Variants in PATJ observed in about 807,000 individuals in gnomAD.
The protein encoded by PATJ is PATJ crumbs cell polarity complex component.
A neutral mutation model predicts 224.9 loss-of-function variants in PATJ; 190 were observed. The ratio of observed to expected loss-of-function variants is 0.84; its 90% CI spans 0.75 to 0.95. PATJ has a LOEUF of 0.95. Among genes scored for constraint, PATJ ranks in the 40% least tolerant of loss-of-function variants. PATJ has a pLI of 0.00. For synonymous variants in PATJ, 769 were observed against 820.3 expected (o/e 0.94, Z 1.07); for missense variants, 2,121 against 2,270.3 (o/e 0.93, Z 1.34).
chr1:61,886,178 TA>T (rs995660014), intron 22 of PATJ, among the ~76,000 whole-genome samples: 45 of 141,276 alleles, frequency 3.2e-4, no homozygotes, highest in Middle Eastern at 3.5e-3. Flanking sequence ...AAAGTATAAT[TA>T]AAAAAAAAAA....
chr1:61,970,857 T>C (rs985538866), intron 27 of PATJ, among the ~76,000 whole-genome samples: 2 of 150,398 alleles, frequency 1.3e-5, no homozygotes, highest in African/African-American at 2.5e-5. Context: ...CATCAAAGTA[T>C]TCAATGTCCA....
intron 7 of PATJ, among the ~76,000 whole-genome samples, chr1:61,776,489 AT>A (rs1181772809): frequency 1.3e-5 from 2 of 152,182 alleles, no homozygotes; most frequent in East Asian, 1.9e-4. Flanking sequence ...TTTTACTTGA[AT>A]TTTTTTAAGA....
At chr1:61,880,835 T>C (rs1667988228) in intron 21 of PATJ, among the ~76,000 whole-genome samples, 1 of 152,264 alleles carries the variant, frequency 6.6e-6, no homozygotes, top group Non-Finnish European at 1.5e-5. Flanking sequence ...GGCTCATGCC[T>C]GTAATCCCAA....
intron 29 of PATJ, among the ~76,000 whole-genome samples, chr1:62,036,615 T>G (rs1043671730): frequency 6.6e-6 from 1 of 152,082 alleles, no homozygotes; most frequent in Non-Finnish European, 1.5e-5. Flanking sequence ...ATATATACAA[T>G]AGTCTTTGAA....
intron 28 of PATJ, among the ~76,000 whole-genome samples, chr1:62,005,831 A>G (rs1301933087): frequency 2.0e-5 from 3 of 152,190 alleles, no homozygotes; most frequent in African/African-American, 7.2e-5. Context: ...AAATTACATG[A>G]ATTTCAACTC....
chr1:62,121,894 C>T (rs1212123008), intron 38 of PATJ, among the ~76,000 whole-genome samples: 1 of 151,778 alleles, frequency 6.6e-6, no homozygotes, highest in Non-Finnish European at 1.5e-5. Context: ...TAATAAATTA[C>T]AGGTCACTGG....
At chr1:62,119,229 G>C in intron 37 of PATJ, among the ~76,000 whole-genome samples, 1 of 152,098 alleles carries the variant, frequency 6.6e-6, no homozygotes, top group East Asian at 1.9e-4. Flanking sequence ...GCCCTATTTG[G>C]CTAATTAGAA....
At chr1:62,118,016 T>G (rs764380483) in intron 37 of PATJ, among the ~76,000 whole-genome samples, 5 of 152,162 alleles carry the variant, frequency 3.3e-5, no homozygotes, top group Non-Finnish European at 7.4e-5. Context: ...GCTCTGATCT[T>G]ACAGTTAGCA....
At chr1:61,961,372 C>G (rs1475061837) in intron 27 of PATJ, among the ~76,000 whole-genome samples, 1 of 152,038 alleles carries the variant, frequency 6.6e-6, no homozygotes, top group Non-Finnish European at 1.5e-5. Context: ...ACCCAAGGCA[C>G]AAAGCCAAGA....
intron 27 of PATJ, among the ~76,000 whole-genome samples, chr1:61,974,180 G>A (rs1557971842): frequency 6.6e-6 from 1 of 151,758 alleles, no homozygotes. Context: ...AGGACATGTC[G>A]AGCAAAACTG....
chr1:61,860,388 T>C (rs1350449082), intron 18 of PATJ, among the ~76,000 whole-genome samples: 1 of 152,036 alleles, frequency 6.6e-6, no homozygotes, highest in African/African-American at 2.4e-5. Flanking sequence ...CTGCATTATA[T>C]CTTCAGAAGT....
At chr1:62,077,549 G>A (rs1405130077) in intron 31 of PATJ, among the ~76,000 whole-genome samples, 1 of 151,830 alleles carries the variant, frequency 6.6e-6, no homozygotes, top group Non-Finnish European at 1.5e-5. Flanking sequence ...AATTAGCCAG[G>A]CGTGGTGGTG....
At chr1:61,884,767 G>C (rs982714933) in intron 22 of PATJ, among the ~76,000 whole-genome samples, 2 of 152,096 alleles carry the variant, frequency 1.3e-5, no homozygotes, top group East Asian at 3.9e-4. Flanking sequence ...TACATGTTGA[G>C]TGTAAAAGGG....
At position 62,094,075 on chromosome 1, in the gene PATJ, G is replaced by A. The variant is rs558310057; in HGVS notation, c.4377+9427G>A. Among the ~76,000 whole-genome samples, 10 of 152,234 alleles carry A rather than the reference G, an allele frequency of 6.6e-5. No homozygotes were observed. The South Asian group carries it at 2.1e-3, about 32-fold the overall frequency. ...TGCAATCCCTGAGTTTGGGTTTTAG[G>A]ATTGCTTGCATAGTCCATTGCATTA... On this transcript the variant is annotated intron_variant, in intron 33 of 43. Coordinates refer to ENST00000642238, the MANE Select transcript of PATJ (RefSeq NM_001350145.3).
intron 25 of PATJ, among the ~76,000 whole-genome samples, chr1:61,914,325 A>G (rs867661558): frequency 1.3e-5 from 2 of 152,104 alleles, no homozygotes; most frequent in Admixed American, 6.6e-5. Flanking sequence ...GTGTGGTGGC[A>G]GGCGCCTATT....
chr1:61,915,019 A>G (rs905411620), intron 26 of PATJ, among the ~76,000 whole-genome samples: 4 of 152,200 alleles, frequency 2.6e-5, no homozygotes, highest in Non-Finnish European at 4.4e-5. Flanking sequence ...TTGCTCTCCC[A>G]TAAGAATCCT....
chr1:61,914,609 A>G lies in PATJ; in HGVS notation c.3515A>G (p.Lys1172Arg). 7 of 1,575,688 alleles carry G rather than the reference A, an allele frequency of 4.4e-6. No individual in the cohort carries two copies. The highest frequency in any genetic ancestry group is 6.1e-6 in the Non-Finnish European group (7 of 1,145,924). Residue 1172 changes from lysine (K) to arginine (R), a missense_variant, in exon 26 of 44, where the codon AAG (lysine) becomes AGG (arginine). Lys to Arg is a conservative substitution (Grantham distance 26). Coordinates refer to ENST00000642238, the MANE Select transcript of PATJ (RefSeq NM_001350145.3). ...TPRVIPNVHN[K>R]ANKITGNQNQ... ...TAGGTCATTCCTAACGTACATAACA[A>G]GGCCAACAAAATCACCGGTAACCAG...
At chr1:61,968,614 G>C (rs1057412110) in intron 27 of PATJ, among the ~76,000 whole-genome samples, 24 of 151,756 alleles carry the variant, frequency 1.6e-4, no homozygotes, top group African/African-American at 5.8e-4. Context: ...CAACGTGCAG[G>C]TTTGTTACAT....
chr1:62,058,948 G>A lies in PATJ; in HGVS notation c.4125+7890G>A, dbSNP rs533092679. On this transcript the variant is annotated intron_variant, in intron 31 of 43. Coordinates refer to ENST00000642238, the MANE Select transcript of PATJ (RefSeq NM_001350145.3). ...TTTTTGAGCTAAGTTTTATGAATCA[G>A]GAGATTTTCCATAAAAATCCAGGTT... is the stretch of plus-strand genomic sequence containing the variant. Among the ~76,000 whole-genome samples, 50 of 152,240 alleles carry A rather than the reference G, an allele frequency of 3.3e-4. No homozygotes were observed. The South Asian group carries it at 3.5e-3, about 11-fold the overall frequency.
Sources: gnomAD v4.1 joint callset for allele counts (sites outside exome capture counted in the v4.1 genomes callset) on GRCh38, gnomAD v4.1.1 for gene constraint, MANE v1.5 for transcripts, NCBI Gene and HGNC (gene_info 2026-07-23, HGNC 2026-07-21) for gene names.